DOCK2: variants seen among roughly 807,000 people sequenced by gnomAD.
DOCK2 encodes the protein dedicator of cytokinesis protein 2.
In DOCK2, 87 loss-of-function variants were observed where a neutral mutation model predicts 248.9. That is an observed-to-expected ratio of 0.35 (90% CI 0.29 to 0.42). The LOEUF (loss-of-function observed/expected upper bound fraction) is 0.42. Ranked by LOEUF, DOCK2 falls within the 10% of genes least tolerant of loss-of-function variation. DOCK2 has a pLI of 1.00. For missense variants in DOCK2, 1,747 were observed against 2,300.2 expected, an observed-to-expected ratio of 0.76 and a Z score of 4.92; for synonymous variants, 805 against 821.6, an observed-to-expected ratio of 0.98 and a Z score of 0.35.
chr5:170,082,920 C>T lies in DOCK2; in HGVS notation c.*62C>T. 2 of 1,606,942 alleles carry T rather than the reference C, an allele frequency of 1.2e-6. No individual in the cohort carries two copies. The highest frequency in any genetic ancestry group is 1.7e-6 in the Non-Finnish European group (2 of 1,174,022). The stretch of plus-strand genomic sequence containing the variant: ...AGGGGAGTTTCTGGAAGAGGAAAGC[C>T]ATGCGTGGAACATCGAAGCCTCAGA... On this transcript the variant is annotated 3_prime_UTR_variant, in exon 52 of 52. Transcript: ENST00000520908.
At chr5:169,859,827 A>G (rs1561770396) in intron 27 of DOCK2, among the ~76,000 whole-genome samples, 1 of 152,136 alleles carries the variant, frequency 6.6e-6, no homozygotes, top group Non-Finnish European at 1.5e-5. Context: ...CCTCTAGGAT[A>G]TTTGATTCCA....
At chr5:169,658,344 G>A (rs1758238699) in intron 2 of DOCK2, among the ~76,000 whole-genome samples, 1 of 152,002 alleles carries the variant, frequency 6.6e-6, no homozygotes, top group Non-Finnish European at 1.5e-5. Flanking sequence ...GCCGGGCGTG[G>A]TGGCAGGTGC....
At chr5:169,996,199 G>T (rs1443955787) in intron 30 of DOCK2, 35 bp downstream of exon 30, 1 of 1,601,316 alleles carries the variant, frequency 6.2e-7, no homozygotes, top group Admixed American at 1.7e-5. Flanking sequence ...CCTTGGAGCT[G>T]CCCAGGGCGT....
intron 51 of DOCK2, among the ~76,000 whole-genome samples, 169 bp from the exon 52 acceptor site, chr5:170,082,627 T>C (rs1362636013): frequency 6.6e-6 from 1 of 152,226 alleles, no homozygotes; most frequent in Non-Finnish European, 1.5e-5. Flanking sequence ...CTCACTCTAC[T>C]GTCTACCACT....
At chr5:169,710,605 A>G (rs1561624484) in intron 15 of DOCK2, among the ~76,000 whole-genome samples, 1 of 152,232 alleles carries the variant, frequency 6.6e-6, no homozygotes, top group Non-Finnish European at 1.5e-5. Context: ...TCATAGCTTC[A>G]GATATCTCTG....
At chr5:169,881,127 C>G in intron 27 of DOCK2, among the ~76,000 whole-genome samples, 1 of 152,156 alleles carries the variant, frequency 6.6e-6, no homozygotes, top group East Asian at 1.9e-4. Context: ...GCCAAGCTTA[C>G]CATGATGCCT....
intron 37 of DOCK2, among the ~76,000 whole-genome samples, chr5:170,041,683 G>A (rs1483472575): frequency 1.3e-5 from 2 of 152,220 alleles, no homozygotes; most frequent in Non-Finnish European, 1.5e-5. Flanking sequence ...GGGGAAGCTA[G>A]CAGAGGGGAG....
intron 26 of DOCK2, among the ~76,000 whole-genome samples, chr5:169,810,876 C>T (rs1767695223): frequency 6.6e-6 from 1 of 151,934 alleles, no homozygotes; most frequent in South Asian, 2.1e-4. Context: ...TACTCCCATT[C>T]CACATGCCCC....
At chr5:170,013,988 G>A (rs1420663514) in intron 32 of DOCK2, among the ~76,000 whole-genome samples, 1 of 152,106 alleles carries the variant, frequency 6.6e-6, no homozygotes, top group Non-Finnish European at 1.5e-5. Context: ...GGCACCCAGA[G>A]AATTGGTGAC....
intron 27 of DOCK2, 95 bp downstream of exon 27, chr5:169,840,947 T>A (rs993742726): frequency 7.5e-7 from 1 of 1,335,504 alleles, no homozygotes; most frequent in African/African-American, 1.5e-5. Context: ...ACTCCCAGCA[T>A]TGATCATTGC....
intron 23 of DOCK2, among the ~76,000 whole-genome samples, chr5:169,756,670 G>A (rs867936534): frequency 4.6e-5 from 7 of 152,116 alleles, no homozygotes; most frequent in Non-Finnish European, 5.9e-5. Context: ...TCATGCCTGT[G>A]AGCCCAGCAC....
chr5:170,057,480 C>G (rs374632769), intron 43 of DOCK2, 100 bp from the exon 44 acceptor site: 5 of 997,970 alleles, frequency 5.0e-6, no homozygotes, highest in Non-Finnish European at 7.9e-6. Flanking sequence ...ATGGGAGGCC[C>G]GGGGACCTGG....
Position 170,050,306 on chromosome 5 carries a change from C to T in DOCK2, c.4122C>T (p.Phe1374=). ...RGKEYERRED[F]QMQLMTQFPN... is the part of the protein sequence containing the mutation. Reference sequence around the variant, plus strand: ...AGGAATATGAGCGAAGAGAAGATTTCCAGATGCAGCTGATGACCCAGTTCC... The same window carrying T: ...AGGAATATGAGCGAAGAGAAGATTTTCAGATGCAGCTGATGACCCAGTTCC... Residue 1374 remains phenylalanine, a synonymous_variant, in exon 41 of 52, where the codon TTC becomes TTT. Transcript: ENST00000520908. 6.2e-7 allele frequency: 1 copy of T among 1,614,176 alleles called. No individual in the cohort carries two copies. Among genetic ancestry groups the T allele is most frequent in the Non-Finnish European group, 8.5e-7 (1 of 1,180,018 alleles).
intron 27 of DOCK2, among the ~76,000 whole-genome samples, chr5:169,878,346 G>A (rs552390042): frequency 1.3e-5 from 2 of 152,044 alleles, no homozygotes; most frequent in East Asian, 1.9e-4. Flanking sequence ...AAATCCATTC[G>A]CTTTTTAAAT....
chr5:169,804,501 C>CGCGT (rs1767223606), intron 26 of DOCK2, among the ~76,000 whole-genome samples: 1 of 64,822 alleles, frequency 1.5e-5, no homozygotes, highest in African/African-American at 3.4e-5. Flanking sequence ...CGCGCGTGCG[C>CGCGT]GTAAGCATTT....
At chr5:169,794,317 A>G (rs1473733621) in intron 25 of DOCK2, among the ~76,000 whole-genome samples, 1 of 151,686 alleles carries the variant, frequency 6.6e-6, no homozygotes, top group African/African-American at 2.4e-5. Flanking sequence ...CCTCTTGCAT[A>G]TTTTTCTGGA....
intron 10 of DOCK2, among the ~76,000 whole-genome samples, chr5:169,696,823 G>GTT (rs557131206): frequency 1.6e-3 from 223 of 137,198 alleles, no homozygotes; most frequent in African/African-American, 5.7e-3. Context: ...TGAGCTCACT[G>GTT]TTTTTTTTTT....
At chr5:169,720,226 G>A (rs1014605272) in intron 22 of DOCK2, among the ~76,000 whole-genome samples, 1 of 152,218 alleles carries the variant, frequency 6.6e-6, no homozygotes. Flanking sequence ...AAACCAATGA[G>A]ACTCCAGTGA....
Position 169,808,558 on chromosome 5 carries a change from G to C in DOCK2, c.2703+5352G>C, listed in dbSNP as rs188284919. On this transcript the variant is annotated intron_variant, in intron 26 of 51. Coordinates refer to ENST00000520908, the MANE Select transcript of DOCK2 (RefSeq NM_004946.3). Reference sequence around the variant, plus strand: ...GACCAGCTCAGGTGAAGGATAAAAGGCCTGACTTCTTCCTCTATTAACTCC... The same window carrying C: ...GACCAGCTCAGGTGAAGGATAAAAGCCCTGACTTCTTCCTCTATTAACTCC... Among the ~76,000 whole-genome samples the C allele has an allele frequency of 8.0e-5, 12 of 150,882 alleles. No individual in the cohort carries two copies. The East Asian group carries it at 2.0e-3, about 25-fold the overall frequency.
Sources: allele counts gnomAD v4.1 joint callset (sites outside exome capture counted in the v4.1 genomes callset), GRCh38; gene constraint gnomAD v4.1.1; transcripts MANE v1.5; gene names NCBI Gene and HGNC (gene_info 2026-07-23, HGNC 2026-07-21).